The following VPS13D variants were observed in gnomAD, a reference collection of about 807,000 sequenced individuals.
VPS13D encodes intermembrane lipid transfer protein VPS13D.
Under a neutral mutation model 461.9 loss-of-function variants are expected in VPS13D, and 187 were observed. The ratio of observed to expected loss-of-function variants is 0.40; its 90% CI spans 0.36 to 0.46. VPS13D has a LOEUF of 0.46. Ranked by LOEUF, VPS13D falls within the 20% of genes least tolerant of loss-of-function variation. The pLI is 0.60. For synonymous variants in VPS13D, 1,951 were observed against 1,986.3 expected (o/e 0.98, Z 0.47); for missense variants, 4,711 against 5,364.9 (o/e 0.88, Z 3.81).
chr1:12,441,492 C>G (rs185889887), intron 65 of VPS13D, among the ~76,000 whole-genome samples: 192 of 152,228 alleles, frequency 1.3e-3, no homozygotes, highest in Non-Finnish European at 8.2e-4. Context: ...CAGTCGGATA[C>G]CCACACTCAG....
intron 67 of VPS13D, among the ~76,000 whole-genome samples, chr1:12,477,198 C>G (rs1015751410): frequency 6.6e-6 from 1 of 152,188 alleles, no homozygotes; most frequent in Non-Finnish European, 1.5e-5. Flanking sequence ...TGGCTCACCC[C>G]TCAGAGGCCA....
chr1:12,252,859 A>C (rs1335322936), intron 6 of VPS13D, among the ~76,000 whole-genome samples: 1 of 150,452 alleles, frequency 6.6e-6, no homozygotes, highest in Admixed American at 6.6e-5. Flanking sequence ...ACAAAAAATA[A>C]TATAAAAAAA....
At chr1:12,256,857 C>G in intron 8 of VPS13D, 130 bp from the exon 9 acceptor site, 1 of 943,614 alleles carries the variant, frequency 1.1e-6, no homozygotes, top group Non-Finnish European at 1.6e-6. Context: ...ATATTTTGGT[C>G]TTTCAGTTTG....
In VPS13D at chr1:12,279,575, T is replaced by G. The variant is rs1641716880; in HGVS notation, c.4527T>G (p.Thr1509=). 6.2e-7 allele frequency: 1 copy of G among 1,613,338 alleles called. No homozygotes were observed. The highest frequency in any genetic ancestry group is 8.5e-7 in the Non-Finnish European group (1 of 1,179,536). ...CTATAGAGAGAGAATCTGAATTGAC[T>G]TTTTCTCTTAGCCCAGATGACCTGG... The part of the protein sequence containing the change: ...KIPIERESEL[T]FSLSPDDLGT... Residue 1509 remains threonine, a synonymous_variant, in exon 20 of 70, where the codon ACT becomes ACG. Transcript: ENST00000620676. The surrounding 1 kb of genome is among the most constrained non-coding windows in gnomAD (Gnocchi z 4.3).
In VPS13D at chr1:12,378,488, G is replaced by T; in HGVS notation, c.10978G>T (p.Gly3660Cys). 1 of 1,612,570 alleles carries T rather than the reference G, an allele frequency of 6.2e-7. No homozygotes were observed. ...AGGAACAGGAATGCTGGCCCATGAG[G>T]GCTCCTCAGTTCCTCACAATCCCAA... is the stretch of plus-strand genomic sequence containing the variant. ...MTGTGMLAHE[G>C]SSVPHNPNKP... Residue 3660 changes from glycine to cysteine, a missense_variant, in exon 56 of 70, where the codon GGC (glycine) becomes TGC (cysteine). Around this residue, in one of 3 missense-constraint regions of VPS13D, gnomAD observed 4,411 missense variants for 4,937.8 expected, o/e 0.89. Coordinates refer to ENST00000620676, the MANE Select transcript of VPS13D (RefSeq NM_015378.4).
intron 67 of VPS13D, among the ~76,000 whole-genome samples, chr1:12,474,325 A>T (rs566721876): frequency 6.6e-6 from 1 of 152,366 alleles, no homozygotes; most frequent in East Asian, 1.9e-4. Flanking sequence ...TATATTTTCC[A>T]GACGCATGAC....
At chr1:12,303,923 A>C (rs1035054346) in intron 25 of VPS13D, among the ~76,000 whole-genome samples, 1 of 152,232 alleles carries the variant, frequency 6.6e-6, no homozygotes, top group Non-Finnish European at 1.5e-5. Context: ...AGAATTACTG[A>C]ATCATTTTAT....
In VPS13D at chr1:12,276,627, T is replaced by G; in HGVS notation, c.3039T>G (p.Gly1013=). The G allele has an allele frequency of 6.2e-7, 1 of 1,614,178 alleles. No individual in the cohort carries two copies. Among genetic ancestry groups the G allele is most frequent in the Non-Finnish European group, 8.5e-7 (1 of 1,180,028 alleles). ...LLLVDTMQTY[G]ADFDLLMASH... ...TGGTGGATACCATGCAGACATATGG[T>G]GCTGATTTTGACCTTTTGATGGCTT... Residue 1013 remains glycine (G), a synonymous_variant, in exon 19 of 70, where the codon GGT becomes GGG. Coordinates refer to ENST00000620676, the MANE Select transcript of VPS13D (RefSeq NM_015378.4). This position sits in a 1 kb window ranked among gnomAD's most constrained non-coding sequence, Gnocchi z 4.5.
In VPS13D at chr1:12,276,536, C is replaced by T. The variant is rs752914276; in HGVS notation, c.2948C>T (p.Thr983Ile). Reference sequence around the variant, plus strand: ...ATTTCTGTGCTCAAGGTGTTTGGTACCAATGCTCACTTTGTGAAGAGGCCT... The same window carrying T: ...ATTTCTGTGCTCAAGGTGTTTGGTATCAATGCTCACTTTGTGAAGAGGCCT... ...RYISVLKVFG[T>I]NAHFVKRPYD... is the part of the protein sequence containing the mutation. Residue 983 changes from threonine (T) to isoleucine (I), a missense_variant, in exon 19 of 70, where the codon ACC (threonine) becomes ATC (isoleucine). By Grantham distance (89) the Thr-to-Ile change is moderately conservative. Around this residue, in one of 3 missense-constraint regions of VPS13D, gnomAD observed 4,411 missense variants for 4,937.8 expected, o/e 0.89. Transcript: ENST00000620676. The surrounding 1 kb of genome is among the most constrained non-coding windows in gnomAD (Gnocchi z 4.5). The T allele has an allele frequency of 6.2e-7, 1 of 1,614,004 alleles. No homozygotes were observed. Among genetic ancestry groups the T allele is most frequent in the African/African-American group, 1.3e-5 (1 of 74,908 alleles).
chr1:12,342,510 C>G (rs1643592125), intron 41 of VPS13D, among the ~76,000 whole-genome samples: 1 of 152,224 alleles, frequency 6.6e-6, no homozygotes, highest in South Asian at 2.1e-4. Flanking sequence ...TTTGAAATCA[C>G]ATTTCTCCGA....
At chr1:12,508,360 G>T (rs186776737) in intron 69 of VPS13D, among the ~76,000 whole-genome samples, 12 of 152,162 alleles carry the variant, frequency 7.9e-5, no homozygotes, top group South Asian at 2.1e-4. Context: ...CCGTGGGGGG[G>T]AGTTCCCAAA....
At chr1:12,267,437 G>A (rs761344568) in intron 14 of VPS13D, among the ~76,000 whole-genome samples, 1 of 152,152 alleles carries the variant, frequency 6.6e-6, no homozygotes, top group South Asian at 2.1e-4. Context: ...CGTTATTAAC[G>A]ATAAGATCTT....
chr1:12,357,396 ATTC>A (rs1449760159), intron 49 of VPS13D, among the ~76,000 whole-genome samples: 2 of 152,218 alleles, frequency 1.3e-5, no homozygotes, highest in Non-Finnish European at 2.9e-5. Context: ...GCCCAGTCTC[ATTC>A]TTCTCCTGAA....
Position 12,261,079 on chromosome 1 carries a change from C to G in VPS13D, c.1344C>G (p.Thr448=). 3 of 1,614,012 alleles carry G rather than the reference C, an allele frequency of 1.9e-6. No homozygotes were observed. Among genetic ancestry groups the G allele is most frequent in the Non-Finnish European group, 1.7e-6 (2 of 1,180,008 alleles). The change falls in exon 12 of 70, where the codon ACC becomes ACG. Residue 448 remains threonine, a synonymous_variant. Coordinates refer to ENST00000620676, the MANE Select transcript of VPS13D (RefSeq NM_015378.4). ...GGGGTGGCTGGTACGGGCAGCAGAC[C>G]CCAGAAGGGAATGTGGTTGAGGGAC... ...PGWGGWYGQQ[T]PEGNVVEGLS... is the part of the protein sequence containing the mutation.
chr1:12,471,371 T>C (rs1025117846), intron 67 of VPS13D, among the ~76,000 whole-genome samples: 3 of 152,224 alleles, frequency 2.0e-5, no homozygotes, highest in East Asian at 1.9e-4. Flanking sequence ...GACAAATTTA[T>C]CTTTCAAATT....
chr1:12,290,127 C>A (rs112308430), intron 22 of VPS13D, among the ~76,000 whole-genome samples: 1 of 152,064 alleles, frequency 6.6e-6, no homozygotes, highest in Admixed American at 6.5e-5. Context: ...ACATTCTAGT[C>A]GTACATGTTT....
intron 68 of VPS13D, 24 bp downstream of exon 68, chr1:12,497,655 G>T: frequency 6.2e-7 from 1 of 1,604,386 alleles, no homozygotes; most frequent in Non-Finnish European, 8.5e-7. Context: ...TGGGAAACCA[G>T]CCCTGTGGGT....
intron 57 of VPS13D, among the ~76,000 whole-genome samples, chr1:12,380,930 G>T (rs78353955): frequency 0.024 from 3,719 of 152,292 alleles, 76 homozygotes; most frequent in Non-Finnish European, 0.039. Flanking sequence ...AACTTCTAGA[G>T]GCAAAGAGGG....
rs760222845 is a variant in VPS13D, at chr1:12,456,000, T to C, written c.12336T>C (p.Phe4112=). ...CTCCTGCTTTTAACTCCTTCTAGTTTGCTGGAACATTATCAGATGGCTTAG... is the reference window on the plus strand; with the variant it reads ...CTCCTGCTTTTAACTCCTTCTAGTTCGCTGGAACATTATCAGATGGCTTAG... ...THGVSNSAAK[F]AGTLSDGLGK... is the part of the protein sequence containing the mutation. The change falls in exon 66 of 70, where the codon TTT becomes TTC. Residue 4112 remains phenylalanine (F), a splice_region_variant and synonymous_variant. Transcript: ENST00000620676. 1.2e-6 allele frequency: 2 copies of C among 1,605,686 alleles called. No homozygotes were observed. The highest frequency in any genetic ancestry group is 8.5e-7 in the Non-Finnish European group (1 of 1,177,256).
Sources: allele counts gnomAD v4.1 joint callset (sites outside exome capture counted in the v4.1 genomes callset), GRCh38; gene constraint gnomAD v4.1.1; regional missense constraint gnomAD v4.1.1; non-coding constraint Gnocchi (gnomAD v3.1); transcripts MANE v1.5; gene names NCBI Gene and HGNC (gene_info 2026-07-23, HGNC 2026-07-21).